The following DLG1 variants were observed in gnomAD, a reference collection of about 807,000 sequenced individuals.
DLG1 encodes disks large homolog 1.
In DLG1, 42 loss-of-function variants were observed where a neutral mutation model predicts 123.4. That is an observed-to-expected ratio of 0.34 (90% CI 0.27 to 0.44). The LOEUF (loss-of-function observed/expected upper bound fraction) is 0.44. Ranked by LOEUF, DLG1 falls within the 20% of genes least tolerant of loss-of-function variation. DLG1 has a pLI of 1.00. For missense variants in DLG1, 942 were observed against 1,082.6 expected (o/e 0.87, Z 1.82); for synonymous variants, 317 against 356.2 (o/e 0.89, Z 1.24).
chr3:197,113,040 T>C (rs1770998226), intron 13 of DLG1, among the ~76,000 whole-genome samples: 1 of 152,254 alleles, frequency 6.6e-6, no homozygotes, highest in Non-Finnish European at 1.5e-5. Flanking sequence ...TATTTAGATC[T>C]ATAATCCATC....
intron 18 of DLG1, chr3:197,069,599 CAGTTTTTGAAACA>C (rs763210319): frequency 9.3e-5 from 16 of 171,484 alleles, no homozygotes; most frequent in Non-Finnish European, 1.8e-4. Flanking sequence ...GGCACTATTT[CAGTTTTTGAAACA>C]GCGTTAACTG....
At chr3:197,292,471 T>C (rs1775416501) in intron 3 of DLG1, among the ~76,000 whole-genome samples, 1 of 152,208 alleles carries the variant, frequency 6.6e-6, no homozygotes. Flanking sequence ...AGGGGAGCAG[T>C]TGTTTATTCG....
intron 3 of DLG1, among the ~76,000 whole-genome samples, chr3:197,285,424 A>C (rs929118839): frequency 2.0e-5 from 3 of 152,102 alleles, no homozygotes; most frequent in Non-Finnish European, 2.9e-5. Flanking sequence ...TGACATTTCT[A>C]ATCTATGAGA....
At chr3:197,123,289 T>A (rs555780360) in intron 11 of DLG1, among the ~76,000 whole-genome samples, 2 of 152,218 alleles carry the variant, frequency 1.3e-5, no homozygotes, top group South Asian at 4.1e-4. Context: ...AATTAAAAAA[T>A]TTTATCCATC....
intron 24 of DLG1, among the ~76,000 whole-genome samples, chr3:197,048,129 G>T (rs960829546): frequency 6.6e-6 from 1 of 152,186 alleles, no homozygotes; most frequent in African/African-American, 2.4e-5. Flanking sequence ...ATGGCCAGCA[G>T]GTATCAGTAA....
chr3:197,127,745 T>C lies in DLG1; in HGVS notation c.1165+2782A>G, dbSNP rs192830893. Reference sequence around the variant, plus strand: ...GAATTACAGACATACCTCAGAGATATTACAGTTCCATACCACAGCAATAAA... The same window carrying C: ...GAATTACAGACATACCTCAGAGATACTACAGTTCCATACCACAGCAATAAA... On this transcript the variant is annotated intron_variant, in intron 11 of 24. Coordinates refer to ENST00000667157, the MANE Select transcript of DLG1 (RefSeq NM_001366207.1). Among the ~76,000 whole-genome samples, 122 of 151,890 alleles carry C rather than the reference T, an allele frequency of 8.0e-4. 1 individual carries two copies. Among genetic ancestry groups the C allele is most frequent in the Admixed American group, 5.8e-3 (88 of 15,246 alleles).
At chr3:197,225,747 A>C (rs1384926628) in intron 4 of DLG1, 1 of 152,668 alleles carries the variant, frequency 6.6e-6, no homozygotes, top group Non-Finnish European at 1.5e-5. Flanking sequence ...ACAGGAATCT[A>C]TTACATGAAT....
intron 3 of DLG1, among the ~76,000 whole-genome samples, chr3:197,294,645 G>T (rs1231444703): frequency 1.5e-5 from 2 of 132,104 alleles, no homozygotes; most frequent in African/African-American, 5.9e-5. Context: ...GTGACAGAGT[G>T]AGACTCTGCC....
intron 4 of DLG1, among the ~76,000 whole-genome samples, chr3:197,241,938 A>G (rs1749103272): frequency 6.6e-6 from 1 of 152,194 alleles, no homozygotes; most frequent in African/African-American, 2.4e-5. Flanking sequence ...GAAAACAAGC[A>G]ACAAAATGGC....
At chr3:197,214,820 T>C (rs1733231014) in intron 4 of DLG1, among the ~76,000 whole-genome samples, 2 of 152,052 alleles carry the variant, frequency 1.3e-5, no homozygotes, top group African/African-American at 4.8e-5. Flanking sequence ...GTTCATTGTA[T>C]AAAGAATTAC....
chr3:197,150,085 T>C (rs1194161073), intron 5 of DLG1, among the ~76,000 whole-genome samples: 1 of 152,152 alleles, frequency 6.6e-6, no homozygotes, highest in African/African-American at 2.4e-5. Context: ...AACCCATGAA[T>C]ATTCTTTAGT....
At chr3:197,105,051 G>A in intron 13 of DLG1, 46 bp from the exon 14 acceptor site, 1 of 1,276,394 alleles carries the variant, frequency 7.8e-7, no homozygotes, top group East Asian at 2.4e-5. Flanking sequence ...GAATCACTGT[G>A]ATTAGAAATC....
intron 5 of DLG1, among the ~76,000 whole-genome samples, chr3:197,161,427 T>C (rs1274576170): frequency 1.3e-5 from 2 of 152,170 alleles, no homozygotes; most frequent in Non-Finnish European, 2.9e-5. Context: ...ATGAAGTTCA[T>C]TGTGTCCCAT....
chr3:197,167,815 C>T (rs1016762875), intron 5 of DLG1, among the ~76,000 whole-genome samples: 3 of 152,182 alleles, frequency 2.0e-5, no homozygotes, highest in African/African-American at 7.2e-5. Context: ...GTATCTATCA[C>T]CTCTAAAAGC....
At chr3:197,128,327 T>C (rs1780832234) in intron 11 of DLG1, among the ~76,000 whole-genome samples, 1 of 152,240 alleles carries the variant, frequency 6.6e-6, no homozygotes, top group Non-Finnish European at 1.5e-5. Context: ...TGATTATCTA[T>C]AAGAAGCAAC....
intron 4 of DLG1, among the ~76,000 whole-genome samples, chr3:197,245,804 AGTTT>A (rs1244999198): frequency 6.9e-6 from 1 of 145,846 alleles, no homozygotes; most frequent in African/African-American, 2.5e-5. Flanking sequence ...AGGAAAAAGC[AGTTT>A]GTTTGGCTCT....
intron 10 of DLG1, among the ~76,000 whole-genome samples, chr3:197,134,683 T>C (rs941702109): frequency 2.6e-5 from 4 of 152,220 alleles, no homozygotes. Flanking sequence ...TCTGAGCCTC[T>C]TCTGGCTGGG....
At chr3:197,213,550 A>C (rs1732406222) in intron 4 of DLG1, among the ~76,000 whole-genome samples, 1 of 152,212 alleles carries the variant, frequency 6.6e-6, no homozygotes, top group Admixed American at 6.5e-5. Context: ...CAGCTCAATG[A>C]ATGTAAATTA....
intron 4 of DLG1, among the ~76,000 whole-genome samples, chr3:197,202,507 C>T (rs1391425375): frequency 6.6e-6 from 1 of 152,150 alleles, no homozygotes; most frequent in Admixed American, 6.5e-5. Flanking sequence ...CTAAGAACCA[C>T]CTAAGAATCT....
Sources: gnomAD v4.1 joint callset for allele counts (sites outside exome capture counted in the v4.1 genomes callset) on GRCh38, gnomAD v4.1.1 for gene constraint, MANE v1.5 for transcripts, NCBI Gene and HGNC (gene_info 2026-07-23, HGNC 2026-07-21) for gene names.